Variants in RBFOX1 observed in about 807,000 individuals in gnomAD.
RBFOX1 encodes RNA binding protein fox-1 homolog 1.
A neutral mutation model predicts 57.7 loss-of-function variants in RBFOX1; 8 were observed. The observed-to-expected ratio is 0.14, with a 90% CI of 0.08 to 0.25. RBFOX1 has a LOEUF of 0.25. RBFOX1 is among the 10% of genes least tolerant of loss of function. The pLI is 1.00. For missense variants in RBFOX1, 611 were observed against 548.5 expected (o/e 1.11, Z -1.14); for synonymous variants, 326 against 222.4 (o/e 1.47, Z -4.15).
At chr16:7,703,222 G>A (rs1315270849) in intron 14 of RBFOX1, among the ~76,000 whole-genome samples, 1 of 152,204 alleles carries the variant, frequency 6.6e-6, no homozygotes, top group African/African-American at 2.4e-5. Flanking sequence ...AGGAGGCACT[G>A]TAGTCCCTAA....
intron 2 of RBFOX1, among the ~76,000 whole-genome samples, chr16:5,554,844 C>A (rs911487921): frequency 2.0e-5 from 3 of 152,204 alleles, no homozygotes; most frequent in African/African-American, 7.2e-5. Context: ...ATTCTTCCTG[C>A]CTTCTGAGCA....
At chr16:7,377,332 A>C (rs2097703048) in intron 4 of RBFOX1, among the ~76,000 whole-genome samples, 1 of 152,180 alleles carries the variant, frequency 6.6e-6, no homozygotes, top group African/African-American at 2.4e-5. Flanking sequence ...GCATGTATTT[A>C]TGTGCTGAAC....
intron 2 of RBFOX1, among the ~76,000 whole-genome samples, chr16:5,559,606 C>T (rs1481928409): frequency 2.6e-5 from 4 of 152,166 alleles, no homozygotes; most frequent in African/African-American, 7.2e-5. Context: ...GCCCTAAAGG[C>T]GCCCCTCCAC....
chr16:7,091,946 T>C (rs1218804097), intron 4 of RBFOX1, among the ~76,000 whole-genome samples: 1 of 152,146 alleles, frequency 6.6e-6, no homozygotes, highest in East Asian at 1.9e-4. Flanking sequence ...AGAAACAACA[T>C]CTGCCCATTT....
At chr16:7,022,795 A>G (rs574176100) in intron 3 of RBFOX1, among the ~76,000 whole-genome samples, 1 of 152,312 alleles carries the variant, frequency 6.6e-6, no homozygotes, top group East Asian at 1.9e-4. Flanking sequence ...CCATGAGACA[A>G]GTTCTATTCT....
chr16:5,656,866 A>T (rs1340750646), intron 3 of RBFOX1, among the ~76,000 whole-genome samples: 1 of 152,188 alleles, frequency 6.6e-6, no homozygotes, highest in African/African-American at 2.4e-5. Context: ...CTCACTCATA[A>T]GTAGGAGTTG....
chr16:7,145,104 G>C (rs894576973), intron 4 of RBFOX1, among the ~76,000 whole-genome samples: 11 of 152,326 alleles, frequency 7.2e-5, no homozygotes, highest in South Asian at 6.2e-4. Context: ...TCCCTTTCCA[G>C]ACATAAGCAC....
At chr16:5,729,379 C>CTT (rs200789352) in intron 3 of RBFOX1, among the ~76,000 whole-genome samples, 1 of 123,968 alleles carries the variant, frequency 8.1e-6, no homozygotes. Flanking sequence ...ACACAGCTAG[C>CTT]TTTTTTTTTT....
chr16:6,483,384 A>G lies in RBFOX1; in HGVS notation c.-64+166327A>G, dbSNP rs937124442. 104 of 1,527,784 alleles carry G rather than the reference A, an allele frequency of 6.8e-5. No individual in the cohort carries two copies. The South Asian group carries it at 7.4e-4, about 11-fold the overall frequency. The allele number at this position is 1,527,784 out of a possible 1,614,324, so 94.6% of individuals were successfully genotyped here. The stretch of plus-strand genomic sequence containing the variant: ...CGAGCGAAGGCGCGCGGCGCGCACG[A>G]CAGATGACTGGAGTCATTTACATTG... On this transcript the variant is annotated intron_variant, in intron 2 of 15. Transcript: ENST00000550418.
chr16:6,777,020 T>G (rs1300273302), intron 3 of RBFOX1, among the ~76,000 whole-genome samples: 1 of 152,184 alleles, frequency 6.6e-6, no homozygotes, highest in East Asian at 1.9e-4. Context: ...CTAATAGCCT[T>G]CTGTAATTGA....
intron 1 of RBFOX1, among the ~76,000 whole-genome samples, chr16:6,189,401 T>G (rs2097128054): frequency 1.3e-5 from 2 of 152,206 alleles, no homozygotes; most frequent in African/African-American, 4.8e-5. Context: ...CATAAACTCC[T>G]CAGCTGTTAA....
intron 13 of RBFOX1, among the ~76,000 whole-genome samples, chr16:7,670,921 T>G (rs2191125): frequency 6.6e-6 from 1 of 152,006 alleles, no homozygotes; most frequent in African/African-American, 2.4e-5. Context: ...AGTGCTAGAT[T>G]TGTATGAAAT....
At chr16:7,274,142 C>G (rs573964993) in intron 4 of RBFOX1, among the ~76,000 whole-genome samples, 39 of 152,168 alleles carry the variant, frequency 2.6e-4, no homozygotes, top group Non-Finnish European at 5.6e-4. Flanking sequence ...ATGCCTTTGT[C>G]TATCCTGGAG....
chr16:7,629,661 C>G (rs2060625681), intron 10 of RBFOX1, among the ~76,000 whole-genome samples: 1 of 152,208 alleles, frequency 6.6e-6, no homozygotes, highest in African/African-American at 2.4e-5. Flanking sequence ...ATTCCTGACC[C>G]CAGTCATCCC....
intron 3 of RBFOX1, among the ~76,000 whole-genome samples, chr16:6,660,259 A>T (rs1006680219): frequency 6.6e-6 from 1 of 151,830 alleles, no homozygotes; most frequent in Non-Finnish European, 1.5e-5. Flanking sequence ...ATTCTTGCTT[A>T]AAGAGTATTA....
At chr16:7,562,330 C>T (rs889834667) in intron 5 of RBFOX1, among the ~76,000 whole-genome samples, 8 of 152,010 alleles carry the variant, frequency 5.3e-5, no homozygotes, top group African/African-American at 1.9e-4. Context: ...GCCGCCTGTT[C>T]CCTGTAGTTC....
At chr16:7,525,222 A>G (rs1179168111) in intron 5 of RBFOX1, among the ~76,000 whole-genome samples, 1 of 151,982 alleles carries the variant, frequency 6.6e-6, no homozygotes, top group Non-Finnish European at 1.5e-5. Context: ...AAATCTAAAC[A>G]CCTACTTTGG....
chr16:6,482,335 AAG>A (rs1187477326), intron 2 of RBFOX1, among the ~76,000 whole-genome samples: 13 of 152,354 alleles, frequency 8.5e-5, no homozygotes, highest in Admixed American at 3.9e-4. Context: ...AGAAAGGAAA[AAG>A]AACAAATTAG....
chr16:7,181,599 G>A (rs1020438460), intron 4 of RBFOX1, among the ~76,000 whole-genome samples: 1 of 150,840 alleles, frequency 6.6e-6, no homozygotes, highest in Non-Finnish European at 1.5e-5. Flanking sequence ...TGCTTGCTCT[G>A]TTGCCCAGGC....
Sources: gnomAD v4.1 joint callset for allele counts (sites outside exome capture counted in the v4.1 genomes callset) on GRCh38, gnomAD v4.1.1 for gene constraint, MANE v1.5 for transcripts, NCBI Gene and HGNC (gene_info 2026-07-23, HGNC 2026-07-21) for gene names.